The following FOSL2 variants were observed in gnomAD, a reference collection of about 807,000 sequenced individuals.
FOSL2 encodes the protein fos-related antigen 2.
Under a neutral mutation model 27.7 loss-of-function variants are expected in FOSL2, and 3 were observed. The ratio of observed to expected loss-of-function variants is 0.11; its 90% CI spans 0.05 to 0.28. The LOEUF is 0.28. Among genes scored for constraint, FOSL2 ranks in the 10% least tolerant of loss-of-function variants. FOSL2 has a pLI of 1.00. For synonymous variants in FOSL2, 179 were observed against 190.1 expected, an observed-to-expected ratio of 0.94 and a Z score of 0.48; for missense variants, 333 against 445.1, an observed-to-expected ratio of 0.75 and a Z score of 2.27.
At chr2:28,402,222 G>A (rs1572488343) in intron 1 of FOSL2, among the ~76,000 whole-genome samples, 1 of 152,216 alleles carries the variant, frequency 6.6e-6, no homozygotes, top group East Asian at 1.9e-4. Context: ...AGAACCAATT[G>A]CTTTAGGCAG....
intron 1 of FOSL2, among the ~76,000 whole-genome samples, chr2:28,400,529 T>C (rs891545757): frequency 2.0e-5 from 3 of 152,114 alleles, no homozygotes; most frequent in African/African-American, 7.2e-5. Context: ...CAAGAGAAGC[T>C]CCTCTTGGAG....
At chr2:28,406,870 C>A (rs1161105363) in intron 2 of FOSL2, among the ~76,000 whole-genome samples, 4 of 152,370 alleles carry the variant, frequency 2.6e-5, no homozygotes, top group Admixed American at 1.3e-4. Flanking sequence ...GCCTCATAGG[C>A]CTCCTCTTGG....
At chr2:28,410,520 G>A (rs1190680995) in intron 3 of FOSL2, 6 of 984,850 alleles carry the variant, frequency 6.1e-6, no homozygotes, top group South Asian at 4.7e-5. Flanking sequence ...TGAGACAGAC[G>A]GAAACTGTTT....
At position 28,412,811 on chromosome 2, in the gene FOSL2, T is replaced by G; in HGVS notation, c.*363T>G. Reference sequence around the variant, plus strand: ...TACTGTCTCTGGAGTGATGGTGTCCTTCCCTGCCCCACCACGCATGCTCAG... The same window carrying G: ...TACTGTCTCTGGAGTGATGGTGTCCGTCCCTGCCCCACCACGCATGCTCAG... On this transcript the variant is annotated 3_prime_UTR_variant, in exon 4 of 4. Coordinates refer to ENST00000264716, the MANE Select transcript of FOSL2 (RefSeq NM_005253.4). The surrounding 1 kb of genome is among the most constrained non-coding windows in gnomAD (Gnocchi z 7.1). 4.5e-6 allele frequency: 1 copy of G among 221,700 alleles called. No homozygotes were observed. The highest frequency in any genetic ancestry group is 8.9e-6 in the Non-Finnish European group (1 of 111,762). The allele number at this position is 221,700 out of a possible 1,614,324, so 13.7% of individuals were successfully genotyped here.
intron 3 of FOSL2, chr2:28,410,469 A>C (rs1292542600): frequency 5.4e-5 from 50 of 931,176 alleles, no homozygotes; most frequent in Admixed American, 1.0e-4. Flanking sequence ...CACATCCTCC[A>C]CAGGAAGCCT....
chr2:28,403,155 C>T (rs992016655), intron 1 of FOSL2, among the ~76,000 whole-genome samples: 13 of 152,158 alleles, frequency 8.5e-5, no homozygotes, highest in Non-Finnish European at 1.3e-4. Flanking sequence ...CTCTCCTTCC[C>T]GCTTCTTGCA....
At position 28,412,568 on chromosome 2, in the gene FOSL2, C is replaced by T. The variant is rs1422438648; in HGVS notation, c.*120C>T. ...AAGAGGGGGACCTGCCACCAGGGAG[C>T]TTCCTGGCTCTGGGGGACCCAGGTG... is the stretch of plus-strand genomic sequence containing the variant. On this transcript the variant is annotated 3_prime_UTR_variant, in exon 4 of 4. Coordinates refer to ENST00000264716, the MANE Select transcript of FOSL2 (RefSeq NM_005253.4). This position sits in a 1 kb window ranked among gnomAD's most constrained non-coding sequence, Gnocchi z 7.1. 8.2e-7 allele frequency: 1 copy of T among 1,216,822 alleles called. No individual in the cohort carries two copies. Among genetic ancestry groups the T allele is most frequent in the Non-Finnish European group, 1.1e-6 (1 of 883,948 alleles). 75.4% of individuals were successfully genotyped at this position (1,216,822 alleles called of 1,614,324 possible). A position where few individuals can be genotyped will look rare whatever the true frequency, so the allele number is the denominator to read the frequency against.
At position 28,413,253 on chromosome 2, in the gene FOSL2, G is replaced by A. The variant is rs936186830; in HGVS notation, c.*805G>A. ...GGTTTGCCAAACGCCTAATTACCAG[G>A]CCAGGAAGCATGCCAACAAAGCCAC... On this transcript the variant is annotated 3_prime_UTR_variant, in exon 4 of 4. Transcript: ENST00000264716. 3 of 378,954 alleles carry A rather than the reference G, an allele frequency of 7.9e-6. No homozygotes were observed. Among genetic ancestry groups the A allele is most frequent in the African/African-American group, 6.2e-5 (3 of 48,256 alleles). 23.5% of individuals were successfully genotyped at this position (378,954 alleles called of 1,614,324 possible).
chr2:28,393,877 C>A lies in FOSL2; in HGVS notation c.102+55C>A. ...CGCGGGCGGACCCCTGCCCTCTTCTCGCCGCCACTGCCTCTTTTGCTTTCT... is the reference window on the plus strand; with the variant it reads ...CGCGGGCGGACCCCTGCCCTCTTCTAGCCGCCACTGCCTCTTTTGCTTTCT... On this transcript the variant is annotated intron_variant, in intron 1 of 3. Coordinates refer to ENST00000264716, the MANE Select transcript of FOSL2 (RefSeq NM_005253.4). The surrounding 1 kb of genome is among the most constrained non-coding windows in gnomAD (Gnocchi z 4.6). 8.8e-7 allele frequency: 1 copy of A among 1,137,496 alleles called. No individual in the cohort carries two copies. Among genetic ancestry groups the A allele is most frequent in the Non-Finnish European group, 1.3e-6 (1 of 790,262 alleles). 70.5% of individuals were successfully genotyped at this position (1,137,496 alleles called of 1,614,324 possible). A position where few individuals can be genotyped will look rare whatever the true frequency, so the allele number is the denominator to read the frequency against.
intron 1 of FOSL2, among the ~76,000 whole-genome samples, chr2:28,399,291 C>T (rs924182007): frequency 4.6e-5 from 7 of 152,182 alleles, no homozygotes; most frequent in Non-Finnish European, 8.8e-5. Flanking sequence ...GATAAGCCCT[C>T]GGCCCCATCC....
intron 2 of FOSL2, among the ~76,000 whole-genome samples, chr2:28,406,572 C>T (rs1664088122): frequency 1.3e-5 from 2 of 152,224 alleles, no homozygotes; most frequent in African/African-American, 2.4e-5. Context: ...GACCTTTGGC[C>T]CTGTGGTTTT....
In FOSL2 at chr2:28,404,507, A is replaced by C; in HGVS notation, c.354+149A>C. 2.1e-6 allele frequency: 2 copies of C among 972,510 alleles called. No individual in the cohort carries two copies. The highest frequency in any genetic ancestry group is 3.0e-6 in the Non-Finnish European group (2 of 668,012). The allele number at this position is 972,510 out of a possible 1,614,324, so 60.2% of individuals were successfully genotyped here. A position where few individuals can be genotyped will look rare whatever the true frequency, so the allele number is the denominator to read the frequency against. On this transcript the variant is annotated intron_variant, in intron 2 of 3. Transcript: ENST00000264716. The surrounding 1 kb of genome is among the most constrained non-coding windows in gnomAD (Gnocchi z 4.7). ...GGTCGAAGAGCACGTCATCCCCCTT[A>C]CTGGAGGCCGAGCTGGAGAGCCAAG... is the stretch of plus-strand genomic sequence containing the variant.
Position 28,415,811 on chromosome 2 carries a change from C to T in FOSL2, c.*3363C>T, listed in dbSNP as rs978321862. On this transcript the variant is annotated 3_prime_UTR_variant, in exon 4 of 4. Coordinates refer to ENST00000264716, the MANE Select transcript of FOSL2 (RefSeq NM_005253.4). ...CCTAAGTAATGGATAAACAGAAACA[C>T]TTAGAGGTGAGAAGGTCTGTCTTCA... 1 of 152,134 alleles carries T rather than the reference C, an allele frequency of 6.6e-6. No homozygotes were observed. Among genetic ancestry groups the T allele is most frequent in the African/African-American group, 2.4e-5 (1 of 41,414 alleles). The allele number at this position is 152,134 out of a possible 1,614,324, so 9.4% of individuals were successfully genotyped here. A position where few individuals can be genotyped will look rare whatever the true frequency, so the allele number is the denominator to read the frequency against.
At chr2:28,401,931 C>T (rs1643971358) in intron 1 of FOSL2, among the ~76,000 whole-genome samples, 2 of 152,058 alleles carry the variant, frequency 1.3e-5, no homozygotes, top group African/African-American at 4.8e-5. Flanking sequence ...GGCAGCTCTC[C>T]TCCTGAATCT....
In FOSL2 at chr2:28,412,364, C is replaced by G; in HGVS notation, c.897C>G (p.Ser299=). 6.2e-7 allele frequency: 1 copy of G among 1,611,610 alleles called. No homozygotes were observed. Among genetic ancestry groups the G allele is most frequent in the Non-Finnish European group, 8.5e-7 (1 of 1,180,016 alleles). ...AGTCACCCGCATCTCCCTCCGAATCCTGCTCCAAGGCTCACCGCAGAAGCA... is the reference window on the plus strand; with the variant it reads ...AGTCACCCGCATCTCCCTCCGAATCGTGCTCCAAGGCTCACCGCAGAAGCA... ...EQESPASPSE[S]CSKAHRRSSS... The change falls in exon 4 of 4, where the codon TCC becomes TCG. Residue 299 remains serine (S), a synonymous_variant. Coordinates refer to ENST00000264716, the MANE Select transcript of FOSL2 (RefSeq NM_005253.4). This position sits in a 1 kb window ranked among gnomAD's most constrained non-coding sequence, Gnocchi z 7.1.
intron 1 of FOSL2, among the ~76,000 whole-genome samples, chr2:28,394,899 G>T (rs1172807032): frequency 6.6e-6 from 1 of 152,208 alleles, no homozygotes; most frequent in Admixed American, 6.5e-5. Flanking sequence ...TCCATAAGGC[G>T]GTGGCCTTGG....
Position 28,412,684 on chromosome 2 carries a change from T to C in FOSL2, c.*236T>C, listed in dbSNP as rs1244623568. 1.8e-6 allele frequency: 1 copy of C among 541,792 alleles called. No homozygotes were observed. Among genetic ancestry groups the C allele is most frequent in the East Asian group, 2.9e-5 (1 of 34,484 alleles). The allele number at this position is 541,792 out of a possible 1,614,324, so 33.6% of individuals were successfully genotyped here. A position where few individuals can be genotyped will look rare whatever the true frequency, so the allele number is the denominator to read the frequency against. ...ATTCATCTTGCAAGCAAATCCCATTTCTTGAAAAGCCTTGGAGAACTCGGT... is the reference window on the plus strand; with the variant it reads ...ATTCATCTTGCAAGCAAATCCCATTCCTTGAAAAGCCTTGGAGAACTCGGT... On this transcript the variant is annotated 3_prime_UTR_variant, in exon 4 of 4. Coordinates refer to ENST00000264716, the MANE Select transcript of FOSL2 (RefSeq NM_005253.4). This position sits in a 1 kb window ranked among gnomAD's most constrained non-coding sequence, Gnocchi z 7.1.
chr2:28,414,677 AG>A lies in FOSL2; in HGVS notation c.*2230del, dbSNP rs1664278494. 6.6e-6 allele frequency: 1 copy of A among 152,210 alleles called. No individual in the cohort carries two copies. The highest frequency in any genetic ancestry group is 2.4e-5 in the African/African-American group (1 of 41,450). The allele number at this position is 152,210 out of a possible 1,614,324, so 9.4% of individuals were successfully genotyped here. A position where few individuals can be genotyped will look rare whatever the true frequency, so the allele number is the denominator to read the frequency against. On this transcript the variant is annotated 3_prime_UTR_variant, in exon 4 of 4. Transcript: ENST00000264716. ...TGCTTTCTTGTCTTTTATTTCTAAA[AG>A]CCCCCTTATACCCCACTTTGTGCAG... is the stretch of plus-strand genomic sequence containing the variant.
At chr2:28,402,029 A>G (rs1303022097) in intron 1 of FOSL2, among the ~76,000 whole-genome samples, 1 of 152,106 alleles carries the variant, frequency 6.6e-6, no homozygotes, top group Non-Finnish European at 1.5e-5. Context: ...CTCAGAATGC[A>G]TTGTACTGGG....
Sources: allele counts gnomAD v4.1 joint callset (sites outside exome capture counted in the v4.1 genomes callset), GRCh38; gene constraint gnomAD v4.1.1; non-coding constraint Gnocchi (gnomAD v3.1); transcripts MANE v1.5; gene names NCBI Gene and HGNC (gene_info 2026-07-23, HGNC 2026-07-21).